The following TUSC3 variants were observed in gnomAD, a reference collection of about 807,000 sequenced individuals.
TUSC3 encodes tumor suppressor candidate 3.
In TUSC3, 45 loss-of-function variants were observed where a neutral mutation model predicts 44.8. That is an observed-to-expected ratio of 1.00 (90% CI 0.79 to 1.29). TUSC3 has a LOEUF of 1.29. Among genes scored for constraint, TUSC3 ranks in the 50% most tolerant of loss-of-function variants. The pLI is 0.00. For missense variants in TUSC3, 519 were observed against 437.9 expected (o/e 1.19, Z -1.65); for synonymous variants, 212 against 152.9 (o/e 1.39, Z -2.85).
chr8:15,505,679 G>A (rs1801042249), intron 2 of TUSC3, among the ~76,000 whole-genome samples: 1 of 152,180 alleles, frequency 6.6e-6, no homozygotes, highest in Admixed American at 6.5e-5. Context: ...CAGAGAAACT[G>A]CATTTTTAAC....
At chr8:15,831,642 G>A in the TUSC3 span, among the ~76,000 whole-genome samples, 301 of 152,194 alleles carry the variant, frequency 2.0e-3, 2 homozygotes, top group African/African-American at 7.0e-3. Context: ...CACACTGCAA[G>A]AATTTCATAA....
intron 6 of TUSC3, among the ~76,000 whole-genome samples, chr8:15,713,385 C>G (rs1012410364): frequency 1.3e-5 from 2 of 152,136 alleles, no homozygotes; most frequent in African/African-American, 4.8e-5. Context: ...CATAGTGTTA[C>G]TGTCATTGTT....
In TUSC3 at chr8:15,648,686, G is replaced by T. The variant is rs192607131; in HGVS notation, c.309-2011G>T. Among the ~76,000 whole-genome samples, 690 of 117,122 alleles carry T rather than the reference G, an allele frequency of 5.9e-3. 6 individuals are homozygous for T. Among genetic ancestry groups the T allele is most frequent in the African/African-American group, 0.021 (653 of 30,534 alleles). The allele number at this position is 117,122 out of a possible 152,430, so 76.8% of individuals were successfully genotyped here. ...GCTTGCAGTGAGCCGAGATCGCGCC[G>T]TTGCACTCCAGCCTGGGTGACAGAG... On this transcript the variant is annotated intron_variant, in intron 2 of 10. Coordinates refer to ENST00000503731, the MANE Select transcript of TUSC3 (RefSeq NM_006765.4).
intron 2 of TUSC3, among the ~76,000 whole-genome samples, chr8:15,641,314 T>C (rs1452206822): frequency 2.0e-5 from 3 of 149,676 alleles, no homozygotes; most frequent in Non-Finnish European, 4.4e-5. Context: ...TGAGCCAAGA[T>C]TGTGCCACTG....
chr8:15,714,370 G>A (rs1809982415), intron 6 of TUSC3, among the ~76,000 whole-genome samples: 2 of 152,044 alleles, frequency 1.3e-5, no homozygotes, highest in Non-Finnish European at 2.9e-5. Flanking sequence ...TCAAAAGATA[G>A]AGGATTGAAA....
chr8:15,634,041 C>G (rs7016983), intron 2 of TUSC3, among the ~76,000 whole-genome samples: 1 of 152,054 alleles, frequency 6.6e-6, no homozygotes, highest in Non-Finnish European at 1.5e-5. Context: ...GATCCGAGGG[C>G]TGTATACTTC....
Position 15,572,746 on chromosome 8 carries a change from A to G in TUSC3, c.138+32178A>G, listed in dbSNP as rs927730943. Among the ~76,000 whole-genome samples, 5 of 152,216 alleles carry G rather than the reference A, an allele frequency of 3.3e-5. No individual in the cohort carries two copies. In the East Asian group the frequency reaches 5.8e-4, roughly 18 times the overall value. On this transcript the variant is annotated intron_variant, in intron 1 of 10. Coordinates refer to ENST00000503731, the MANE Select transcript of TUSC3 (RefSeq NM_006765.4). ...TGGGTTATTCATTGGCCTAATTTCAATGTTTTTATGCTTTAGGCAATAGGA... is the reference window on the plus strand; with the variant it reads ...TGGGTTATTCATTGGCCTAATTTCAGTGTTTTTATGCTTTAGGCAATAGGA...
upstream of TUSC3, among the ~76,000 whole-genome samples, chr8:15,536,484 C>T (rs1047248141): frequency 6.6e-6 from 1 of 151,832 alleles, no homozygotes; most frequent in South Asian, 2.1e-4. Flanking sequence ...TAGTACGAGA[C>T]CAGCCTGGAC....
At chr8:15,465,115 G>T (rs758325373) in intron 1 of TUSC3, among the ~76,000 whole-genome samples, 1 of 152,124 alleles carries the variant, frequency 6.6e-6, no homozygotes, top group Non-Finnish European at 1.5e-5. Flanking sequence ...CCAAATTGCT[G>T]GGATTACAGG....
Position 15,766,348 on chromosome 8 carries a change from C to G in TUSC3, c.*2192C>G, listed in dbSNP as rs1812325356. 1 of 152,064 alleles carries G rather than the reference C, an allele frequency of 6.6e-6. No homozygotes were observed. The highest frequency in any genetic ancestry group is 1.9e-4 in the East Asian group (1 of 5,182). The allele number at this position is 152,064 out of a possible 1,614,324, so 9.4% of individuals were successfully genotyped here. On this transcript the variant is annotated 3_prime_UTR_variant, in exon 11 of 11. Transcript: ENST00000503731. ...GCTTGCAGAATGTAACGTGCAAAAT[C>G]ACATACATGCGATGTATTTACCTTT...
chr8:15,425,627 C>G (rs1056556881), intron 1 of TUSC3, among the ~76,000 whole-genome samples: 5 of 152,168 alleles, frequency 3.3e-5, no homozygotes, highest in Admixed American at 2.0e-4. Flanking sequence ...TCTGAGCCAC[C>G]AGGGCATGAA....
chr8:15,498,545 C>T (rs1037010326), intron 2 of TUSC3, among the ~76,000 whole-genome samples: 5 of 152,154 alleles, frequency 3.3e-5, no homozygotes, highest in South Asian at 2.1e-4. Flanking sequence ...GAAGTTGAAT[C>T]GCTCTACATG....
At chr8:15,672,017 G>A (rs1029424995) in intron 5 of TUSC3, among the ~76,000 whole-genome samples, 1 of 151,990 alleles carries the variant, frequency 6.6e-6, no homozygotes, top group African/African-American at 2.4e-5. Flanking sequence ...GTTCCATGGA[G>A]AACCATTTAT....
At chr8:15,442,504 G>C in intron 1 of TUSC3, among the ~76,000 whole-genome samples, 1 of 152,114 alleles carries the variant, frequency 6.6e-6, no homozygotes, top group East Asian at 1.9e-4. Context: ...CTGATTAGCT[G>C]TTCCCAGTGG....
At chr8:15,481,247 CAA>C (rs57956608) in intron 1 of TUSC3, among the ~76,000 whole-genome samples, 11,658 of 82,948 alleles carry the variant, frequency 0.14, 525 homozygotes, top group African/African-American at 0.24. Flanking sequence ...AACTCCATCT[CAA>C]AAAAAAAAAA....
At chr8:15,479,476 G>T (rs988610720) in intron 1 of TUSC3, among the ~76,000 whole-genome samples, 34 of 152,220 alleles carry the variant, frequency 2.2e-4, no homozygotes, top group Admixed American at 6.5e-5. Flanking sequence ...TGAAAGGAAG[G>T]GTTTGAGTTT....
chr8:15,438,239 C>T (rs1381132158), intron 1 of TUSC3, among the ~76,000 whole-genome samples: 1 of 152,096 alleles, frequency 6.6e-6, no homozygotes, highest in Non-Finnish European at 1.5e-5. Flanking sequence ...GGATTACAGG[C>T]ATGCGCCACC....
intron 1 of TUSC3, among the ~76,000 whole-genome samples, chr8:15,596,999 T>G (rs779028316): frequency 6.6e-6 from 1 of 152,106 alleles, no homozygotes; most frequent in Admixed American, 6.6e-5. Flanking sequence ...AAGTTAATAA[T>G]TAGTTGTGGA....
intron 1 of TUSC3, among the ~76,000 whole-genome samples, chr8:15,542,967 A>G (rs1206105436): frequency 2.0e-5 from 3 of 152,206 alleles, no homozygotes; most frequent in East Asian, 1.9e-4. Context: ...ACTTTACTCA[A>G]TAAGCATGCG....
Sources: allele counts gnomAD v4.1 joint callset (sites outside exome capture counted in the v4.1 genomes callset), GRCh38; gene constraint gnomAD v4.1.1; transcripts MANE v1.5; gene names NCBI Gene and HGNC (gene_info 2026-07-23, HGNC 2026-07-21).